ELF2: variants seen among roughly 807,000 people sequenced by gnomAD.
ELF2 encodes the protein E74 like ETS transcription factor 2.
ELF2 carries 11 observed loss-of-function variants against 54.8 expected under a neutral mutation model. The observed-to-expected ratio is 0.20, with a 90% CI of 0.13 to 0.33. The LOEUF (loss-of-function observed/expected upper bound fraction) is 0.33, where lower values mean the gene tolerates loss of function less well. ELF2 is among the 10% of genes least tolerant of loss of function. The probability of loss-of-function intolerance (pLI) is 1.00; values close to 1 mark genes in which losing one functional copy is unlikely to be tolerated. For missense variants in ELF2, 513 were observed against 703.0 expected (o/e 0.73, Z 3.06); for synonymous variants, 203 against 245.1 (o/e 0.83, Z 1.61).
At chr4:139,142,165 G>A (rs1273076944) in intron 1 of ELF2, among the ~76,000 whole-genome samples, 1 of 152,192 alleles carries the variant, frequency 6.6e-6, no homozygotes, top group African/African-American at 2.4e-5. Flanking sequence ...ATTAACCAAA[G>A]AGATAGGGAT....
At chr4:139,124,089 GCTGAACTTGAGCTC>G (rs1736666629) in intron 4 of ELF2, among the ~76,000 whole-genome samples, 2 of 152,112 alleles carry the variant, frequency 1.3e-5, no homozygotes, top group African/African-American at 2.4e-5. Context: ...TGTTGCCCAG[GCTGAACTTGAGCTC>G]CTGACCTTGA....
At chr4:139,062,131 G>A (rs1727951859) in intron 7 of ELF2, 74 bp from the exon 8 acceptor site, 7 of 1,356,632 alleles carry the variant, frequency 5.2e-6, no homozygotes, top group Non-Finnish European at 7.0e-6. Context: ...CAAATAAAGT[G>A]TCCTTCATTG....
At chr4:139,066,179 T>C (rs1728681994) in intron 7 of ELF2, 1 of 151,998 alleles carries the variant, frequency 6.6e-6, no homozygotes, top group Non-Finnish European at 1.5e-5. Context: ...TAATGTAAAA[T>C]TTATCCAACT....
intron 3 of ELF2, 127 bp from the exon 4 acceptor site, chr4:139,125,456 T>C (rs781728570): frequency 1.6e-5 from 18 of 1,109,698 alleles, no homozygotes; most frequent in Non-Finnish European, 2.2e-5. Flanking sequence ...TAAATATGAA[T>C]GTAAAAGCCA....
intron 4 of ELF2, among the ~76,000 whole-genome samples, chr4:139,084,953 G>T (rs1731808067): frequency 6.6e-6 from 1 of 152,130 alleles, no homozygotes; most frequent in Non-Finnish European, 1.5e-5. Flanking sequence ...AAGTGTCAAA[G>T]AGCACATTAA....
At chr4:139,092,182 T>C (rs929204648) in intron 4 of ELF2, among the ~76,000 whole-genome samples, 3 of 151,052 alleles carry the variant, frequency 2.0e-5, no homozygotes, top group African/African-American at 7.3e-5. Context: ...GCAAACATGG[T>C]GAAACCTCGT....
intron 4 of ELF2, among the ~76,000 whole-genome samples, chr4:139,077,576 CTTT>C (rs982901589): frequency 6.6e-6 from 1 of 152,036 alleles, no homozygotes; most frequent in Non-Finnish European, 1.5e-5. Context: ...TGAGCACTAT[CTTT>C]TTATTTTTGT....
intron 4 of ELF2, among the ~76,000 whole-genome samples, chr4:139,097,731 T>C (rs1733437249): frequency 6.6e-6 from 1 of 152,144 alleles, no homozygotes; most frequent in Non-Finnish European, 1.5e-5. Flanking sequence ...TAGTTTCCAA[T>C]ATTATTATTT....
chr4:139,164,249 G>A (rs562460320), intron 1 of ELF2, among the ~76,000 whole-genome samples: 85 of 144,126 alleles, frequency 5.9e-4, no homozygotes, highest in African/African-American at 2.0e-3. Context: ...AAGGAAGGAA[G>A]AAAAGAAGGA....
At chr4:139,069,627 T>G (rs1023818219) in intron 6 of ELF2, among the ~76,000 whole-genome samples, 1 of 152,176 alleles carries the variant, frequency 6.6e-6, no homozygotes, top group Admixed American at 6.5e-5. Flanking sequence ...ATATTAACTT[T>G]TAGAACACCA....
Position 139,084,410 on chromosome 4 carries a change from A to ACGGCAGGGGCAGGGG in ELF2, c.239-10858_239-10844dup, listed in dbSNP as rs1291087720. The ACGGCAGGGGCAGGGG allele has an allele frequency of 3.8e-3, 4,892 of 1,295,780 alleles. 30 individuals carry two copies. The highest frequency in any genetic ancestry group is 4.1e-3 in the Non-Finnish European group (4,159 of 1,005,118). The allele number at this position is 1,295,780 out of a possible 1,614,324, so 80.3% of individuals were successfully genotyped here. ...CCGGGCTGAGAAACCCCACCACCTA[A>ACGGCAGGGGCAGGGG]CGGCAGGGGCAGGGGCGGCAGGGGC... On this transcript the variant is annotated intron_variant, in intron 4 of 9. Coordinates refer to ENST00000686138, the MANE Select transcript of ELF2 (RefSeq NM_001331036.3).
At chr4:139,164,016 G>A (rs960904559) in intron 1 of ELF2, among the ~76,000 whole-genome samples, 11 of 148,928 alleles carry the variant, frequency 7.4e-5, no homozygotes, top group African/African-American at 2.7e-4. Context: ...GCAAGGGCAA[G>A]AGAAAGAGAA....
chr4:139,120,904 T>C (rs886667807), intron 4 of ELF2, among the ~76,000 whole-genome samples: 3 of 152,134 alleles, frequency 2.0e-5, no homozygotes, highest in Non-Finnish European at 4.4e-5. Flanking sequence ...TTATTAATTA[T>C]ATTTCCCTCA....
At chr4:139,086,121 AT>A (rs1032706718) in intron 4 of ELF2, among the ~76,000 whole-genome samples, 11 of 152,066 alleles carry the variant, frequency 7.2e-5, no homozygotes, top group Non-Finnish European at 1.2e-4. Flanking sequence ...AAAATGGTTG[AT>A]TTTTTTTAAT....
intron 1 of ELF2, among the ~76,000 whole-genome samples, chr4:139,145,681 G>C (rs193110025): frequency 6.6e-6 from 1 of 152,236 alleles, no homozygotes; most frequent in Non-Finnish European, 1.5e-5. Flanking sequence ...ACATCAAAAA[G>C]ATAATACACC....
intron 4 of ELF2, among the ~76,000 whole-genome samples, chr4:139,093,941 C>T (rs1266774304): frequency 7.0e-6 from 1 of 143,430 alleles, no homozygotes; most frequent in Non-Finnish European, 1.5e-5. Context: ...ACTCATTGCC[C>T]AGGCTGGAGT....
At position 139,158,759 on chromosome 4, in the gene ELF2, TAG is replaced by T. The variant is rs765517902; in HGVS notation, c.-252+18206_-252+18207del. Among the ~76,000 whole-genome samples the T allele has an allele frequency of 8.2e-4, 124 of 152,144 alleles. 3 individuals carry two copies. Among genetic ancestry groups the T allele is most frequent in the Admixed American group, 3.9e-4 (6 of 15,270 alleles). On this transcript the variant is annotated intron_variant, in intron 1 of 9. Coordinates refer to ENST00000686138, the MANE Select transcript of ELF2 (RefSeq NM_001331036.3). ...ATTGGGAGGACTCAGGACATCTAAT[TAG>T]AGAGTTTCCAAGGGAGTCCAAGGGG...
intron 4 of ELF2, chr4:139,084,476 G>A (rs1211793270): frequency 2.3e-5 from 24 of 1,053,658 alleles, no homozygotes; most frequent in Admixed American, 5.2e-5. Flanking sequence ...GGCTGTGGCG[G>A]CCGCCGCAGC....
intron 4 of ELF2, among the ~76,000 whole-genome samples, chr4:139,094,390 T>G (rs1473808748): frequency 6.6e-6 from 1 of 152,150 alleles, no homozygotes; most frequent in African/African-American, 2.4e-5. Flanking sequence ...CAATAACTGG[T>G]TCTTGTTTCA....
Sources: gnomAD v4.1 joint callset for allele counts (sites outside exome capture counted in the v4.1 genomes callset) on GRCh38, gnomAD v4.1.1 for gene constraint, MANE v1.5 for transcripts, NCBI Gene and HGNC (gene_info 2026-07-23, HGNC 2026-07-21) for gene names.